Variants in CAPZB observed in about 807,000 individuals in gnomAD.
CAPZB encodes F-actin-capping protein subunit beta.
Under a neutral mutation model 38.1 loss-of-function variants are expected in CAPZB, and 2 were observed. That is an observed-to-expected ratio of 0.05 (90% confidence interval 0.02 to 0.17). The LOEUF (loss-of-function observed/expected upper bound fraction) is 0.17. Among genes scored for constraint, CAPZB ranks in the 10% least tolerant of loss-of-function variants. The pLI is 1.00. For missense variants in CAPZB, 161 were observed against 334.2 expected (o/e 0.48, Z 4.04); for synonymous variants, 107 against 127.4 (o/e 0.84, Z 1.08).
intron 4 of CAPZB, among the ~76,000 whole-genome samples, chr1:19,370,744 A>G (rs544162662): frequency 1.3e-5 from 2 of 151,960 alleles, no homozygotes; most frequent in Non-Finnish European, 2.9e-5. Context: ...CATGCCTCCG[A>G]GGGACAGCAG....
chr1:19,347,519 T>G (rs1443165088), intron 6 of CAPZB, among the ~76,000 whole-genome samples: 1 of 152,114 alleles, frequency 6.6e-6, no homozygotes, highest in Non-Finnish European at 1.5e-5. Flanking sequence ...CTGGTCAGGG[T>G]CAGCTCGCTG....
At chr1:19,385,043 G>A (rs969546631) in intron 3 of CAPZB, among the ~76,000 whole-genome samples, 6 of 152,150 alleles carry the variant, frequency 3.9e-5, no homozygotes, top group African/African-American at 1.4e-4. Context: ...CGAGGTGACG[G>A]AAAGAGAGAG....
At chr1:19,434,550 C>CTTTT (rs11483583) in intron 1 of CAPZB, among the ~76,000 whole-genome samples, 1 of 146,928 alleles carries the variant, frequency 6.8e-6, no homozygotes. Flanking sequence ...CAGAGTAAGC[C>CTTTT]TTTTTTTTTT....
rs114368545 is a variant in CAPZB, at chr1:19,360,096, G to T, written c.330-2533C>A. Reference sequence around the variant, plus strand: ...TGGACTGCCCCTGCTGGACCTGAGGGTTAGCAGGGCTCAGATGACTGGCAG... The same window carrying T: ...TGGACTGCCCCTGCTGGACCTGAGGTTTAGCAGGGCTCAGATGACTGGCAG... On this transcript the variant is annotated intron_variant, in intron 4 of 8. Transcript: ENST00000264202. Among the ~76,000 whole-genome samples the T allele has an allele frequency of 7.3e-3, 1,113 of 152,288 alleles. 17 individuals are homozygous for T. The highest frequency in any genetic ancestry group is 0.025 in the African/African-American group (1,058 of 41,566).
rs567420817 is a variant in CAPZB at position 19,481,697 on chromosome 1, C to T, written c.3+3739G>A. 1.1e-4 allele frequency among the ~76,000 whole-genome samples: 16 copies of T among 152,316 alleles called. 1 individual carries two copies. The highest frequency in any genetic ancestry group is 5.2e-4 in the Admixed American group (8 of 15,302). On this transcript the variant is annotated intron_variant, in intron 1 of 8. Coordinates refer to ENST00000264202, the MANE Select transcript of CAPZB (RefSeq NM_004930.5). The stretch of plus-strand genomic sequence containing the variant: ...TGTGCAGAGGAGCGGACTGCGTGCA[C>T]GTGCAATCCAATTCCACCCAATGGC...
intron 7 of CAPZB, 74 bp from the exon 8 acceptor site, chr1:19,344,508 A>G: frequency 5.2e-6 from 6 of 1,147,570 alleles, no homozygotes; most frequent in Non-Finnish European, 7.9e-6. Flanking sequence ...TCCACCTGCC[A>G]GCCCTGCAGT....
At chr1:19,448,508 C>G (rs772179040) in intron 1 of CAPZB, among the ~76,000 whole-genome samples, 2 of 152,226 alleles carry the variant, frequency 1.3e-5, no homozygotes, top group African/African-American at 4.8e-5. Context: ...AGAAACAAAC[C>G]TGGTTGCAGT....
chr1:19,471,865 CAAAAAAAAAAAAAAAAAAAAAAAAAAA>C lies in CAPZB; in HGVS notation c.3+13544_3+13570del, dbSNP rs59289947. On this transcript the variant is annotated intron_variant, in intron 1 of 8. Coordinates refer to ENST00000264202, the MANE Select transcript of CAPZB (RefSeq NM_004930.5). Reference sequence around the variant, plus strand: ...TGGGAGACAAAGCGAGACTCCGTCTCAAAAAAAAAAAAAAAAAAAAAAAAAAAAAAAAAAAAAAAAAAAGAAATGCTT... The same window carrying C: ...TGGGAGACAAAGCGAGACTCCGTCTCAAAAAAAAAAAAAAAAGAAATGCTT... 2.5e-3 allele frequency among the ~76,000 whole-genome samples: 339 copies of C among 134,484 alleles called. 1 individual carries two copies. Among genetic ancestry groups the C allele is most frequent in the African/African-American group, 5.9e-3 (201 of 33,790 alleles). The allele number at this position is 134,484 out of a possible 152,430, so 88.2% of individuals were successfully genotyped here. A position where few individuals can be genotyped will look rare whatever the true frequency, so the allele number is the denominator to read the frequency against.
intron 4 of CAPZB, among the ~76,000 whole-genome samples, chr1:19,363,813 T>G (rs1268172382): frequency 6.6e-6 from 1 of 152,186 alleles, no homozygotes; most frequent in Non-Finnish European, 1.5e-5. Flanking sequence ...CTCCTTCCTT[T>G]CACATCACCT....
At chr1:19,358,263 G>T (rs561805664) in intron 4 of CAPZB, among the ~76,000 whole-genome samples, 1 of 152,152 alleles carries the variant, frequency 6.6e-6, no homozygotes, top group African/African-American at 2.4e-5. Flanking sequence ...TCAACCTCCT[G>T]AGTAGCTGGG....
At chr1:19,471,410 T>C (rs188330931) in intron 1 of CAPZB, among the ~76,000 whole-genome samples, 16 of 152,254 alleles carry the variant, frequency 1.1e-4, no homozygotes, top group African/African-American at 3.9e-4. Context: ...CTGGAGTAAG[T>C]AGTCAAGCCT....
At chr1:19,366,098 G>A (rs2094083525) in intron 4 of CAPZB, among the ~76,000 whole-genome samples, 1 of 151,708 alleles carries the variant, frequency 6.6e-6, no homozygotes, top group Admixed American at 6.6e-5. Flanking sequence ...TCACATGTAT[G>A]GTGTGTTCTG....
intron 2 of CAPZB, among the ~76,000 whole-genome samples, chr1:19,416,052 C>T (rs183312691): frequency 1.3e-5 from 2 of 152,308 alleles, no homozygotes; most frequent in Non-Finnish European, 2.9e-5. Flanking sequence ...TCCACACAGC[C>T]GGTGAAGGGA....
In CAPZB at chr1:19,357,803, T is replaced by C. The variant is rs1432060372; in HGVS notation, c.330-240A>G. 6.6e-6 allele frequency among the ~76,000 whole-genome samples: 1 copy of C among 152,138 alleles called. No individual in the cohort carries two copies. Among genetic ancestry groups the C allele is most frequent in the East Asian group, 1.9e-4 (1 of 5,196 alleles). On this transcript the variant is annotated intron_variant, in intron 4 of 8. Transcript: ENST00000264202. This position sits in a 1 kb window ranked among gnomAD's most constrained non-coding sequence, Gnocchi z 4.3. ...TCTGAGGTTGGACTCTGCCACCTCC[T>C]CTATCTGTGTGGTCTTTGGCTTACT...
At chr1:19,403,793 G>A (rs2094315673) in intron 2 of CAPZB, among the ~76,000 whole-genome samples, 1 of 152,200 alleles carries the variant, frequency 6.6e-6, no homozygotes, top group Admixed American at 6.5e-5. Context: ...TAAGGTGGAT[G>A]GCACTCTGTA....
chr1:19,391,107 G>A (rs2094231997), intron 2 of CAPZB, among the ~76,000 whole-genome samples: 1 of 151,236 alleles, frequency 6.6e-6, no homozygotes, highest in Non-Finnish European at 1.5e-5. Flanking sequence ...CCCAACAGCT[G>A]ATCACACGAA....
intron 1 of CAPZB, among the ~76,000 whole-genome samples, chr1:19,446,072 G>A (rs1416101192): frequency 6.6e-6 from 1 of 152,146 alleles, no homozygotes; most frequent in Non-Finnish European, 1.5e-5. Context: ...ACCTGAGAGC[G>A]GCAGGGTCAG....
intron 2 of CAPZB, among the ~76,000 whole-genome samples, chr1:19,402,336 G>GAGGC (rs1313776243): frequency 5.9e-5 from 9 of 152,232 alleles, no homozygotes; most frequent in Non-Finnish European, 8.8e-5. Context: ...GGCTTTTCTA[G>GAGGC]AGGCAGGCAG....
intron 3 of CAPZB, among the ~76,000 whole-genome samples, chr1:19,382,177 A>T (rs1259223269): frequency 6.6e-6 from 1 of 152,230 alleles, no homozygotes; most frequent in African/African-American, 2.4e-5. Flanking sequence ...GCAATTTGCA[A>T]GAAGCCTGTA....
Sources: gnomAD v4.1 joint callset for allele counts (sites outside exome capture counted in the v4.1 genomes callset) on GRCh38, gnomAD v4.1.1 for gene constraint, Gnocchi (gnomAD v3.1) non-coding constraint, MANE v1.5 for transcripts, NCBI Gene and HGNC (gene_info 2026-07-23, HGNC 2026-07-21) for gene names.